The following NDFIP2 variants were observed in gnomAD, a reference collection of about 807,000 sequenced individuals.
The protein encoded by NDFIP2 is NEDD4 family-interacting protein 2.
Under a neutral mutation model 36.0 loss-of-function variants are expected in NDFIP2, and 19 were observed. The observed-to-expected ratio is 0.53, with a 90% CI of 0.37 to 0.77. NDFIP2 has a LOEUF of 0.77. Among genes scored for constraint, NDFIP2 ranks in the 30% least tolerant of loss-of-function variants. The probability of loss-of-function intolerance (pLI) is 0.00; values close to 1 mark genes in which losing one functional copy is unlikely to be tolerated. For synonymous variants in NDFIP2, 181 were observed against 167.7 expected (o/e 1.08, Z -0.61); for missense variants, 446 against 435.8 (o/e 1.02, Z -0.21).
At chr13:79,505,019 G>T (rs73551566) in intron 1 of NDFIP2, among the ~76,000 whole-genome samples, 6,528 of 152,130 alleles carry the variant, frequency 0.043, 485 homozygotes, top group African/African-American at 0.15. Context: ...CATGTTCTTG[G>T]CATTTTTGTA....
intron 1 of NDFIP2, among the ~76,000 whole-genome samples, chr13:79,494,754 A>T (rs1388399212): frequency 6.6e-6 from 1 of 152,032 alleles, no homozygotes; most frequent in Non-Finnish European, 1.5e-5. Flanking sequence ...GTTCCTAAGA[A>T]AGGATACTTG....
chr13:79,545,568 AAT>A (rs1875636520), intron 5 of NDFIP2, among the ~76,000 whole-genome samples: 1 of 152,248 alleles, frequency 6.6e-6, no homozygotes, highest in Non-Finnish European at 1.5e-5. Context: ...TTTTGTATAA[AAT>A]AACAATAACT....
intron 1 of NDFIP2, among the ~76,000 whole-genome samples, chr13:79,488,060 A>G (rs772314371): frequency 6.6e-6 from 1 of 152,180 alleles, no homozygotes; most frequent in Non-Finnish European, 1.5e-5. Context: ...CTTCTAGACT[A>G]CTGCTTTTTC....
In NDFIP2 at chr13:79,539,599, A is replaced by G. The variant is rs1875379173; in HGVS notation, c.622-83A>G. 4 of 1,045,092 alleles carry G rather than the reference A, an allele frequency of 3.8e-6. No homozygotes were observed. In the Admixed American group the frequency reaches 7.1e-5, roughly 18 times the overall value. 64.7% of individuals were successfully genotyped at this position (1,045,092 alleles called of 1,614,324 possible). On this transcript the variant is annotated intron_variant, in intron 3 of 7. Transcript: ENST00000218652. ...CTATACAACAAATTGAGAACATTAG[A>G]TGTTGCTGAAGTTCTTATGCTTACA...
At chr13:79,544,441 C>G (rs1363332485) in intron 5 of NDFIP2, among the ~76,000 whole-genome samples, 3 of 151,606 alleles carry the variant, frequency 2.0e-5, no homozygotes, top group Non-Finnish European at 4.4e-5. Flanking sequence ...TAATCATCCC[C>G]CAGCCTTTTG....
At chr13:79,546,272 C>T (rs17071589) in intron 5 of NDFIP2, among the ~76,000 whole-genome samples, 4,799 of 152,142 alleles carry the variant, frequency 0.032, 198 homozygotes, top group African/African-American at 0.094. Flanking sequence ...ATCTGAGCTG[C>T]GATGAACCTC....
chr13:79,482,851 T>C (rs915479123), intron 1 of NDFIP2, among the ~76,000 whole-genome samples: 1 of 152,218 alleles, frequency 6.6e-6, no homozygotes, highest in African/African-American at 2.4e-5. Context: ...AAATACTGTT[T>C]CTCCCAGTAT....
At chr13:79,527,489 A>T (rs1216155058) in intron 2 of NDFIP2, among the ~76,000 whole-genome samples, 1 of 152,194 alleles carries the variant, frequency 6.6e-6, no homozygotes, top group South Asian at 2.1e-4. Context: ...CTGCATAACA[A>T]CATTTTGGCC....
intron 1 of NDFIP2, among the ~76,000 whole-genome samples, chr13:79,484,359 T>G (rs2079831130): frequency 6.6e-6 from 1 of 152,140 alleles, no homozygotes; most frequent in South Asian, 2.1e-4. Context: ...CCAAGCTGAC[T>G]TCTAAGATTG....
At chr13:79,494,377 C>T (rs181677819) in intron 1 of NDFIP2, among the ~76,000 whole-genome samples, 16 of 152,184 alleles carry the variant, frequency 1.1e-4, no homozygotes, top group Admixed American at 5.2e-4. Flanking sequence ...TAACTCATCA[C>T]TGAGTTAAGC....
intron 1 of NDFIP2, among the ~76,000 whole-genome samples, chr13:79,506,067 A>G (rs1404680184): frequency 2.6e-5 from 4 of 152,190 alleles, no homozygotes; most frequent in Non-Finnish European, 4.4e-5. Context: ...AACTTGTAGA[A>G]ACTTATTCCT....
chr13:79,535,274 G>A (rs953966470), intron 3 of NDFIP2, among the ~76,000 whole-genome samples: 1 of 152,100 alleles, frequency 6.6e-6, no homozygotes, highest in Non-Finnish European at 1.5e-5. Context: ...ATTATGGACC[G>A]TAGATCATTT....
intron 1 of NDFIP2, among the ~76,000 whole-genome samples, chr13:79,511,869 C>T (rs1251809165): frequency 6.6e-6 from 1 of 152,176 alleles, no homozygotes; most frequent in Non-Finnish European, 1.5e-5. Flanking sequence ...GCAGCACAGA[C>T]TTGCAAGTGA....
chr13:79,496,985 A>G (rs1159045564), intron 1 of NDFIP2, among the ~76,000 whole-genome samples: 3 of 151,962 alleles, frequency 2.0e-5, no homozygotes, highest in Non-Finnish European at 4.4e-5. Flanking sequence ...TATAATCCTT[A>G]TATGTTAACT....
In NDFIP2 at chr13:79,481,296, G is replaced by A. The variant is rs1321217678; in HGVS notation, c.93G>A (p.Ala31=). Residue 31 remains alanine (A), a synonymous_variant, in exon 1 of 8, where the codon GCG becomes GCA. Transcript: ENST00000218652. The part of the protein sequence containing the change: ...RGAPELLRGT[A]TNAEVSAAAA... Reference sequence around the variant, plus strand: ...CCCCGGAGCTTCTCCGCGGAACCGCGACCAACGCGGAGGTCTCGGCGGCCG... The same window carrying A: ...CCCCGGAGCTTCTCCGCGGAACCGCAACCAACGCGGAGGTCTCGGCGGCCG... 2 of 1,540,264 alleles carry A rather than the reference G, an allele frequency of 1.3e-6. No homozygotes were observed. The highest frequency in any genetic ancestry group is 1.7e-6 in the Non-Finnish European group (2 of 1,146,362).
chr13:79,518,841 C>T (rs1303102139), intron 1 of NDFIP2, among the ~76,000 whole-genome samples: 1 of 152,106 alleles, frequency 6.6e-6, no homozygotes, highest in African/African-American at 2.4e-5. Context: ...CACTGTCTTA[C>T]CCTGTCATCC....
intron 6 of NDFIP2, 64 bp downstream of exon 6, chr13:79,548,458 A>C: frequency 8.2e-7 from 1 of 1,214,892 alleles, no homozygotes; most frequent in Non-Finnish European, 1.2e-6. Context: ...AGATGTAAAT[A>C]AACTGTGTTG....
At chr13:79,519,401 A>G (rs1874475661) in intron 1 of NDFIP2, among the ~76,000 whole-genome samples, 1 of 152,188 alleles carries the variant, frequency 6.6e-6, no homozygotes, top group Non-Finnish European at 1.5e-5. Flanking sequence ...TTTTTATCGT[A>G]TTGATGCCTT....
In NDFIP2 at chr13:79,521,054, T is replaced by C. The variant is rs1181233536; in HGVS notation, c.487+79T>C. ...GGTTTTGTGTAATTATCATGTCTGT[T>C]AATGGGCTTATAAACATATATACAC... On this transcript the variant is annotated intron_variant, in intron 2 of 7. Transcript: ENST00000218652. 3.3e-6 allele frequency: 4 copies of C among 1,229,970 alleles called. No individual in the cohort carries two copies. The African/African-American group carries it at 6.2e-5, about 19-fold the overall frequency. The allele number at this position is 1,229,970 out of a possible 1,614,324, so 76.2% of individuals were successfully genotyped here.
Sources: allele counts gnomAD v4.1 joint callset (sites outside exome capture counted in the v4.1 genomes callset), GRCh38; gene constraint gnomAD v4.1.1; transcripts MANE v1.5; gene names NCBI Gene and HGNC (gene_info 2026-07-23, HGNC 2026-07-21).